Variants in CASD1 observed in about 807,000 individuals in gnomAD.
CASD1 encodes the protein CAS1 domain sialic acid O acetyltransferase 1, also known as N-acetylneuraminate (7)9-O-acetyltransferase.
CASD1 carries 41 observed loss-of-function variants against 100.0 expected under a neutral mutation model. The observed-to-expected ratio is 0.41, with a 90% confidence interval of 0.32 to 0.53. The LOEUF (loss-of-function observed/expected upper bound fraction) is 0.53, where lower values mean the gene tolerates loss of function less well. Among genes scored for constraint, CASD1 ranks in the 20% least tolerant of loss-of-function variants. The pLI is 0.25. For missense variants in CASD1, 774 were observed against 948.7 expected (o/e 0.82, Z 2.42); for synonymous variants, 321 against 315.6 (o/e 1.02, Z -0.18).
the CASD1 span, among the ~76,000 whole-genome samples, chr7:94,596,825 T>A: frequency 6.6e-6 from 1 of 152,198 alleles, no homozygotes; most frequent in Admixed American, 6.5e-5. Flanking sequence ...GTGTATTTGA[T>A]CATTCCATTT....
the CASD1 span, chr7:94,586,972 A>G: frequency 1.0e-6 from 1 of 984,384 alleles, no homozygotes; most frequent in Non-Finnish European, 1.2e-6. Context: ...TTTAGTCTAT[A>G]ATATGATCCA....
the CASD1 span, among the ~76,000 whole-genome samples, chr7:94,584,503 C>CAA: frequency 6.6e-6 from 1 of 152,200 alleles, no homozygotes; most frequent in African/African-American, 2.4e-5. Flanking sequence ...AATGATATGA[C>CAA]AGAGTATTCT....
chr7:94,513,287 C>CA (rs766687618), intron 1 of CASD1, among the ~76,000 whole-genome samples: 10,871 of 63,372 alleles, frequency 0.17, 1,377 homozygotes, highest in African/African-American at 0.4. Flanking sequence ...GATCGCATCC[C>CA]AAAAAAAAAA....
chr7:94,599,198 T>C, the CASD1 span: 2 of 461,364 alleles, frequency 4.3e-6, no homozygotes, highest in African/African-American at 2.0e-5. Context: ...TAAACTAAGC[T>C]ATGAAGCATT....
At chr7:94,560,571 T>C (rs992602677), downstream of CASD1, among the ~76,000 whole-genome samples, 11 of 152,178 alleles carry the variant, frequency 7.2e-5, no homozygotes, top group African/African-American at 2.7e-4. Flanking sequence ...ATTTGTAAAG[T>C]TGTATATTTG....
the CASD1 span, chr7:94,627,170 G>A: frequency 6.6e-6 from 1 of 152,002 alleles, no homozygotes; most frequent in South Asian, 2.1e-4. Flanking sequence ...CAACTGAATT[G>A]GCCAATGTGG....
chr7:94,550,818 T>C (rs1428021202), intron 14 of CASD1, among the ~76,000 whole-genome samples: 1 of 152,140 alleles, frequency 6.6e-6, no homozygotes, highest in East Asian at 1.9e-4. Context: ...AAATGTTCAG[T>C]CTATTGCAAT....
chr7:94,532,111 A>G (rs1335703151), intron 5 of CASD1, among the ~76,000 whole-genome samples: 1 of 152,172 alleles, frequency 6.6e-6, no homozygotes, highest in East Asian at 1.9e-4. Context: ...TATTATAAAT[A>G]GTATACAGTA....
chr7:94,607,413 T>A, the CASD1 span, among the ~76,000 whole-genome samples: 1 of 152,068 alleles, frequency 6.6e-6, no homozygotes, highest in Non-Finnish European at 1.5e-5. Flanking sequence ...CAACAAAATA[T>A]TAGCAAATCA....
At chr7:94,521,429 C>T (rs1794261778) in intron 3 of CASD1, among the ~76,000 whole-genome samples, 1 of 151,948 alleles carries the variant, frequency 6.6e-6, no homozygotes, top group South Asian at 2.1e-4. Context: ...AAAGAACTGG[C>T]TAATAATAGC....
chr7:94,570,421 T>G, the CASD1 span, among the ~76,000 whole-genome samples: 1 of 152,218 alleles, frequency 6.6e-6, no homozygotes, highest in African/African-American at 2.4e-5. Flanking sequence ...TGTATCCCCT[T>G]TTATGTTATT....
At chr7:94,601,699 T>C in the CASD1 span, among the ~76,000 whole-genome samples, 2 of 152,136 alleles carry the variant, frequency 1.3e-5, no homozygotes, top group African/African-American at 4.8e-5. Context: ...TTGTTAATAA[T>C]ACAGTGTTAG....
chr7:94,575,312 G>A, the CASD1 span, among the ~76,000 whole-genome samples: 5 of 152,160 alleles, frequency 3.3e-5, no homozygotes, highest in Admixed American at 2.0e-4. Context: ...TTACCCAAAA[G>A]TCATTAAGGA....
At chr7:94,530,102 A>G (rs143556901) in intron 5 of CASD1, among the ~76,000 whole-genome samples, 4 of 152,324 alleles carry the variant, frequency 2.6e-5, no homozygotes, top group African/African-American at 9.6e-5. Flanking sequence ...GCAATGTGAC[A>G]AGTGCTAAAA....
chr7:94,551,389 C>A lies in CASD1; in HGVS notation c.1867C>A (p.Arg623Ser). The change falls in exon 15 of 18, where the codon CGT (arginine) becomes AGT (serine). Residue 623 changes from arginine to serine, a missense_variant. Coordinates refer to ENST00000297273, the MANE Select transcript of CASD1 (RefSeq NM_022900.5). Reference sequence around the variant, plus strand: ...TTTTATTTATCTGGCTTTGCAGAAGCGTCAAATACTTTCTGAAGGAAAGGG... The same window carrying A: ...TTTTATTTATCTGGCTTTGCAGAAGAGTCAAATACTTTCTGAAGGAAAGGG... ...FAFIYLALQKRQILSEGKGEP... is the reference protein window; with the variant it reads ...FAFIYLALQKSQILSEGKGEP... 1.3e-6 allele frequency: 2 copies of A among 1,553,556 alleles called. No homozygotes were observed. Among genetic ancestry groups the A allele is most frequent in the Non-Finnish European group, 1.7e-6 (2 of 1,157,272 alleles).
chr7:94,552,690 A>T (rs1240783852), intron 16 of CASD1, among the ~76,000 whole-genome samples: 1 of 152,156 alleles, frequency 6.6e-6, no homozygotes, highest in Non-Finnish European at 1.5e-5. Context: ...TAATCCCAGC[A>T]CTTTGGGAGG....
chr7:94,546,376 C>T (rs980121102), intron 12 of CASD1, among the ~76,000 whole-genome samples: 4 of 151,868 alleles, frequency 2.6e-5, no homozygotes, highest in African/African-American at 9.7e-5. Context: ...ATAAAATCTT[C>T]CTTTTTTGGA....
rs928284341 is a variant in CASD1, at chr7:94,552,806, G to A, written c.2034+379G>A. On this transcript the variant is annotated intron_variant, in intron 16 of 17. Coordinates refer to ENST00000297273, the MANE Select transcript of CASD1 (RefSeq NM_022900.5). ...ACAAAAATTAGCTGGGCGTGGTGGCGGGCACCTGTAATCCCAGCTACTTGG... is the reference window on the plus strand; with the variant it reads ...ACAAAAATTAGCTGGGCGTGGTGGCAGGCACCTGTAATCCCAGCTACTTGG... Among the ~76,000 whole-genome samples, 6 of 151,930 alleles carry A rather than the reference G, an allele frequency of 3.9e-5. 1 individual carries two copies. The South Asian group carries it at 1.0e-3, about 26-fold the overall frequency.
chr7:94,567,731 G>A, the CASD1 span, among the ~76,000 whole-genome samples: 1 of 152,000 alleles, frequency 6.6e-6, no homozygotes, highest in African/African-American at 2.4e-5. Flanking sequence ...ATGTATTTTT[G>A]AATAGGGAAT....
Sources: gnomAD v4.1 joint callset for allele counts (sites outside exome capture counted in the v4.1 genomes callset) on GRCh38, gnomAD v4.1.1 for gene constraint, MANE v1.5 for transcripts, NCBI Gene and HGNC (gene_info 2026-07-23, HGNC 2026-07-21) for gene names.